Variants in ADAMTS20 observed in about 807,000 individuals in gnomAD.
The protein encoded by ADAMTS20 is A disintegrin and metalloproteinase with thrombospondin motifs 20.
Under a neutral mutation model 260.1 loss-of-function variants are expected in ADAMTS20, and 225 were observed. That is an observed-to-expected ratio of 0.87 (90% CI 0.78 to 0.97). The LOEUF is 0.97. Among genes scored for constraint, ADAMTS20 ranks in the 50% least tolerant of loss-of-function variants. The pLI is 0.00. For synonymous variants in ADAMTS20, 802 were observed against 769.5 expected (o/e 1.04, Z -0.70); for missense variants, 2,400 against 2,337.7 (o/e 1.03, Z -0.55).
At chr12:43,414,037 C>T (rs1041196929) in intron 28 of ADAMTS20, among the ~76,000 whole-genome samples, 1 of 152,120 alleles carries the variant, frequency 6.6e-6, no homozygotes, top group African/African-American at 2.4e-5. Flanking sequence ...GTGTCTAACA[C>T]ACAGTAACTT....
intron 28 of ADAMTS20, among the ~76,000 whole-genome samples, chr12:43,413,278 T>C (rs1314646496): frequency 6.6e-6 from 1 of 152,208 alleles, no homozygotes; most frequent in East Asian, 1.9e-4. Context: ...TAATCATTAA[T>C]GATACAAAAT....
In ADAMTS20 at chr12:43,466,272, A is replaced by G. The variant is rs545470922; in HGVS notation, c.1367+380T>C. On this transcript the variant is annotated intron_variant, in intron 9 of 38. Coordinates refer to ENST00000389420, the MANE Select transcript of ADAMTS20 (RefSeq NM_025003.5). ...GTCCTTCAGGGGCACCTCAAACTTGAGCCACTCAAATTTCTCTCAAAATAT... is the reference window on the plus strand; with the variant it reads ...GTCCTTCAGGGGCACCTCAAACTTGGGCCACTCAAATTTCTCTCAAAATAT... Among the ~76,000 whole-genome samples the G allele has an allele frequency of 2.0e-5, 3 of 152,086 alleles. No individual in the cohort carries two copies. The East Asian group carries it at 5.8e-4, about 29-fold the overall frequency.
At chr12:43,519,547 C>T (rs1430636336) in intron 3 of ADAMTS20, among the ~76,000 whole-genome samples, 1 of 152,132 alleles carries the variant, frequency 6.6e-6, no homozygotes, top group Non-Finnish European at 1.5e-5. Context: ...CTCCTCTTAG[C>T]AATCAACTTT....
At chr12:43,425,722 T>C (rs1407994534) in intron 27 of ADAMTS20, 32 bp from the exon 28 acceptor site, 2 of 1,489,796 alleles carry the variant, frequency 1.3e-6, no homozygotes, top group Non-Finnish European at 1.8e-6. Context: ...TTCAAAACTG[T>C]GGTTTTAAAG....
At chr12:43,453,044 A>T (rs1186074935) in intron 12 of ADAMTS20, among the ~76,000 whole-genome samples, 1 of 152,184 alleles carries the variant, frequency 6.6e-6, no homozygotes, top group Admixed American at 6.6e-5. Flanking sequence ...ACAATAACAA[A>T]GGCAGGTGCC....
rs754223081 is a variant in ADAMTS20 at position 43,443,898 on chromosome 12, T to C, written c.2198-15A>G. On this transcript the variant is annotated splice_polypyrimidine_tract_variant and intron_variant, in intron 15 of 38. Transcript: ENST00000389420. ...AACATTATAACCTGCAATATAATTT[T>C]ACATATGTTAAATTTCACAAAAAGC... 3.1e-6 allele frequency: 5 copies of C among 1,603,680 alleles called. No homozygotes were observed. The African/African-American group carries it at 5.3e-5, about 17-fold the overall frequency.
At chr12:43,427,514 C>A (rs1467577654) in intron 26 of ADAMTS20, 45 bp from the exon 27 acceptor site, 2 of 1,515,532 alleles carry the variant, frequency 1.3e-6, no homozygotes, top group Non-Finnish European at 8.9e-7. Flanking sequence ...GCGGATTCCA[C>A]ATAATGAATT....
intron 15 of ADAMTS20, among the ~76,000 whole-genome samples, chr12:43,444,382 AG>A (rs1941722940): frequency 6.6e-6 from 1 of 152,164 alleles, no homozygotes; most frequent in African/African-American, 2.4e-5. Flanking sequence ...TCATAAAAAA[AG>A]AAAAAGTTTA....
chr12:43,354,211 A>G lies in ADAMTS20; in HGVS notation c.5731T>C (p.Ter1911ArgextTer76), dbSNP rs1475303534. Reference protein sequence around the residue: ...MTTGLPIQVI* With the variant: ...MTTGLPIQVIR ...GCATACTTCCCCCTTCTAAATGTTC[A>G]TATGACTTGAATTGGGAGACCAGTA... is the stretch of plus-strand genomic sequence containing the variant. Residue 1911 changes from the stop codon to arginine, a stop_lost, in exon 39 of 39, where the codon TGA becomes CGA. Coordinates refer to ENST00000389420, the MANE Select transcript of ADAMTS20 (RefSeq NM_025003.5). 2 of 1,577,874 alleles carry G rather than the reference A, an allele frequency of 1.3e-6. No homozygotes were observed. The highest frequency in any genetic ancestry group is 1.8e-5 in the Admixed American group (1 of 55,818).
At chr12:43,510,330 C>T (rs887131569) in intron 3 of ADAMTS20, among the ~76,000 whole-genome samples, 1 of 151,400 alleles carries the variant, frequency 6.6e-6, no homozygotes, top group Non-Finnish European at 1.5e-5. Flanking sequence ...TTTAACATCT[C>T]GGTGCCCTTT....
At chr12:43,438,633 T>C (rs1479963755) in intron 18 of ADAMTS20, among the ~76,000 whole-genome samples, 3 of 152,188 alleles carry the variant, frequency 2.0e-5, no homozygotes, top group Non-Finnish European at 4.4e-5. Context: ...TCAGGTCAGA[T>C]GGTAGACTGT....
chr12:43,403,733 G>A (rs1439441059), intron 28 of ADAMTS20, among the ~76,000 whole-genome samples: 1 of 151,976 alleles, frequency 6.6e-6, no homozygotes, highest in African/African-American at 2.4e-5. Flanking sequence ...GAACTAAAAA[G>A]AGTACTGCAG....
chr12:43,502,463 T>C, intron 3 of ADAMTS20, 58 bp from the exon 4 acceptor site: 1 of 1,527,808 alleles, frequency 6.5e-7, no homozygotes, highest in Non-Finnish European at 8.8e-7. Flanking sequence ...ACGAAAAATA[T>C]CGCAAAAAAT....
chr12:43,426,835 G>GA (rs1363988453), intron 27 of ADAMTS20, among the ~76,000 whole-genome samples: 3 of 152,264 alleles, frequency 2.0e-5, no homozygotes, highest in Non-Finnish European at 2.9e-5. Flanking sequence ...AGAGTCTGCT[G>GA]AAAAATCTAG....
At chr12:43,357,671 T>A (rs998557012) in intron 37 of ADAMTS20, among the ~76,000 whole-genome samples, 20 of 152,322 alleles carry the variant, frequency 1.3e-4, no homozygotes, top group African/African-American at 4.8e-4. Flanking sequence ...ATGTATCACA[T>A]ACAACATCAC....
chr12:43,411,083 G>A, intron 28 of ADAMTS20, among the ~76,000 whole-genome samples: 1 of 152,278 alleles, frequency 6.6e-6, no homozygotes, highest in South Asian at 2.1e-4. Context: ...TAACTCTTTA[G>A]ATATATACAG....
At chr12:43,373,544 A>G (rs1052987386) in intron 36 of ADAMTS20, among the ~76,000 whole-genome samples, 2 of 152,104 alleles carry the variant, frequency 1.3e-5, no homozygotes, top group Non-Finnish European at 2.9e-5. Context: ...TGTTTTAAGA[A>G]AGTTTACAAA....
At chr12:43,438,878 GTA>G (rs1941606189) in intron 18 of ADAMTS20, among the ~76,000 whole-genome samples, 1 of 152,046 alleles carries the variant, frequency 6.6e-6, no homozygotes, top group Non-Finnish European at 1.5e-5. Flanking sequence ...CACACTGTGC[GTA>G]TCTATAGTAC....
intron 3 of ADAMTS20, among the ~76,000 whole-genome samples, chr12:43,529,676 C>T (rs56026902): frequency 3.3e-5 from 5 of 151,910 alleles, no homozygotes; most frequent in East Asian, 3.9e-4. Context: ...GAGGGGGGTG[C>T]GGAATAAAAA....
Sources: gnomAD v4.1 joint callset for allele counts (sites outside exome capture counted in the v4.1 genomes callset) on GRCh38, gnomAD v4.1.1 for gene constraint, MANE v1.5 for transcripts, NCBI Gene and HGNC (gene_info 2026-07-23, HGNC 2026-07-21) for gene names.